The following AFF2 variants were observed in gnomAD, a reference collection of about 807,000 sequenced individuals.
The protein encoded by AFF2 is ALF transcription elongation factor 2.
Under a neutral mutation model 76.9 loss-of-function variants are expected in AFF2, and 14 were observed. That is an observed-to-expected ratio of 0.18 (90% confidence interval 0.12 to 0.28). The LOEUF (loss-of-function observed/expected upper bound fraction) is 0.28, where lower values mean the gene tolerates loss of function less well. Among genes scored for constraint, AFF2 ranks in the 10% least tolerant of loss-of-function variants. The probability of loss-of-function intolerance (pLI) is 1.00; values close to 1 mark genes in which losing one functional copy is unlikely to be tolerated. For missense variants in AFF2, 868 were observed against 1,001.1 expected, an observed-to-expected ratio of 0.87 and a Z score of 1.79; for synonymous variants, 398 against 366.7, an observed-to-expected ratio of 1.09 and a Z score of -0.98.
chrX:148,702,233 A>T (rs1435364651), intron 3 of AFF2, among the ~76,000 whole-genome samples: 1 of 111,618 alleles, frequency 9.0e-6, no homozygotes, highest in Non-Finnish European at 1.9e-5. Flanking sequence ...AAAACTCCTA[A>T]CTAAATTTTC....
chrX:148,676,083 G>A (rs1189860966), intron 3 of AFF2, among the ~76,000 whole-genome samples: 5 of 96,751 alleles, frequency 5.2e-5, no homozygotes, highest in Non-Finnish European at 6.1e-5. Flanking sequence ...TTTTTGAGAC[G>A]GAGTCTCATT....
At position 148,668,553 on chromosome X, in the gene AFF2, G is replaced by A. The variant is rs782551425; in HGVS notation, c.1041+5785G>A. 2.2e-3 allele frequency among the ~76,000 whole-genome samples: 253 copies of A among 112,610 alleles called. 2 individuals carry two copies. The highest frequency in any genetic ancestry group is 7.9e-3 in the African/African-American group (245 of 31,032). Reference sequence around the variant, plus strand: ...GAAATCTAGGTGGAGGTTCCCAAACGTCAGTTCTTGACTTCTCTGCACCTG... The same window carrying A: ...GAAATCTAGGTGGAGGTTCCCAAACATCAGTTCTTGACTTCTCTGCACCTG... On this transcript the variant is annotated intron_variant, in intron 3 of 20. Coordinates refer to ENST00000370460, the MANE Select transcript of AFF2 (RefSeq NM_002025.4).
At chrX:148,714,264 A>G (rs2055002352) in intron 3 of AFF2, among the ~76,000 whole-genome samples, 1 of 112,236 alleles carries the variant, frequency 8.9e-6, no homozygotes, top group African/African-American at 3.2e-5. Flanking sequence ...TTGTGGTACC[A>G]GGAATATAAA....
intron 3 of AFF2, among the ~76,000 whole-genome samples, chrX:148,737,559 C>G (rs1186111419): frequency 9.0e-6 from 1 of 111,416 alleles, no homozygotes; most frequent in Admixed American, 9.5e-5. Flanking sequence ...ATATCATCAG[C>G]AAACAGTTGA....
chrX:148,589,298 T>C (rs2053499475), intron 1 of AFF2, among the ~76,000 whole-genome samples: 1 of 111,569 alleles, frequency 9.0e-6, no homozygotes, highest in Non-Finnish European at 1.9e-5. Context: ...AGAACATCTC[T>C]TCATTAATAT....
chrX:148,671,955 G>A (rs970068423), intron 3 of AFF2, among the ~76,000 whole-genome samples: 4 of 111,336 alleles, frequency 3.6e-5, no homozygotes, highest in Admixed American at 9.5e-5. Context: ...GCAGTAAAAT[G>A]GTAAGCTTTT....
intron 1 of AFF2, among the ~76,000 whole-genome samples, chrX:148,585,488 A>T (rs2053457517): frequency 8.9e-6 from 1 of 111,924 alleles, no homozygotes; most frequent in Admixed American, 9.5e-5. Context: ...CTCTCAATAC[A>T]CATTTGCTAT....
Position 148,973,384 on chromosome X carries a change from C to A in AFF2, c.3268-87C>A, listed in dbSNP as rs1018120608. ...CCAAATGTTCCCTGTGGGAAGGGGG[C>A]AAAACTACCCCCCAGTTTCAAACCA... On this transcript the variant is annotated intron_variant, in intron 15 of 20. Coordinates refer to ENST00000370460, the MANE Select transcript of AFF2 (RefSeq NM_002025.4). 35 of 1,105,481 alleles carry A rather than the reference C, an allele frequency of 3.2e-5. No individual in the cohort carries two copies. In the African/African-American group the frequency reaches 3.3e-4, roughly 10 times the overall value. 91.1% of individuals were successfully genotyped at this position (1,105,481 alleles called of 1,213,427 possible).
intron 12 of AFF2, 124 bp downstream of exon 12, chrX:148,958,582 C>G: frequency 2.2e-6 from 2 of 926,395 alleles, no homozygotes; most frequent in South Asian, 5.3e-5. Context: ...AGGAGTCTCT[C>G]AGTCAAGGCC....
chrX:148,836,500 A>G (rs782052516), intron 4 of AFF2, among the ~76,000 whole-genome samples: 29 of 111,647 alleles, frequency 2.6e-4, no homozygotes, highest in Non-Finnish European at 4.5e-4. Context: ...GAAAAAAACA[A>G]GTATTATGTA....
At chrX:148,890,980 TCAATGGCATGGTTGAGA>T (rs1557279674) in intron 8 of AFF2, among the ~76,000 whole-genome samples, 1 of 112,506 alleles carries the variant, frequency 8.9e-6, no homozygotes, top group Non-Finnish European at 1.9e-5. Flanking sequence ...AAGTTTGATA[TCAATGGCATGGTTGAGA>T]TTTGGGGGCC....
intron 3 of AFF2, among the ~76,000 whole-genome samples, chrX:148,747,277 C>G (rs1444824746): frequency 1.8e-5 from 2 of 111,470 alleles, no homozygotes; most frequent in African/African-American, 6.5e-5. Context: ...GCTGACTTGC[C>G]TATATTGCTC....
chrX:148,572,699 A>G (rs1432627659), intron 1 of AFF2, among the ~76,000 whole-genome samples: 1 of 112,022 alleles, frequency 8.9e-6, no homozygotes, highest in African/African-American at 3.2e-5. Flanking sequence ...GATTCAACTT[A>G]TATAAAATAC....
intron 9 of AFF2, among the ~76,000 whole-genome samples, chrX:148,923,235 A>G (rs2071615194): frequency 9.3e-6 from 1 of 107,486 alleles, no homozygotes; most frequent in Non-Finnish European, 1.9e-5. Flanking sequence ...CCCCCGTGAC[A>G]AATTTGAGAT....
At chrX:148,837,530 G>A (rs1318395887) in intron 4 of AFF2, 117 bp from the exon 5 acceptor site, 2 of 360,362 alleles carry the variant, frequency 5.5e-6, no homozygotes, top group Admixed American at 1.1e-4. Flanking sequence ...TTCACCTTAA[G>A]TATTAGGTCA....
chrX:148,815,396 G>A (rs782334299), intron 4 of AFF2, among the ~76,000 whole-genome samples: 2 of 111,469 alleles, frequency 1.8e-5, no homozygotes, highest in African/African-American at 3.3e-5. Context: ...GACTTAATAC[G>A]TAGCATGCAT....
At chrX:148,699,745 C>G (rs1557261650) in intron 3 of AFF2, among the ~76,000 whole-genome samples, 1 of 111,534 alleles carries the variant, frequency 9.0e-6, no homozygotes. Flanking sequence ...CTGATGGGTC[C>G]CTGTCTTTGA....
In AFF2 at chrX:148,761,611, C is replaced by T. The variant is rs188752132; in HGVS notation, c.1042-48265C>T. 1.2e-4 allele frequency among the ~76,000 whole-genome samples: 13 copies of T among 110,420 alleles called. 1 individual carries two copies. The East Asian group carries it at 3.7e-3, about 31-fold the overall frequency. On this transcript the variant is annotated intron_variant, in intron 3 of 20. Transcript: ENST00000370460. ...CAAACTCATTCATTTGTTTATTCAACGAATGTTTACAGAGTCCTGACTCTA... is the reference window on the plus strand; with the variant it reads ...CAAACTCATTCATTTGTTTATTCAATGAATGTTTACAGAGTCCTGACTCTA...
chrX:148,821,910 T>A lies in AFF2; in HGVS notation c.1086+11990T>A, dbSNP rs1453345539. 4.5e-5 allele frequency among the ~76,000 whole-genome samples: 5 copies of A among 111,696 alleles called. No individual in the cohort carries two copies. In the East Asian group the frequency reaches 1.4e-3, roughly 32 times the overall value. ...GTGCATAAAAAGTGCATAGATTAGA[T>A]GTAATGTGTTTATTAAATGACTTAA... On this transcript the variant is annotated intron_variant, in intron 4 of 20. Transcript: ENST00000370460.
Sources: gnomAD v4.1 joint callset for allele counts (sites outside exome capture counted in the v4.1 genomes callset) on GRCh38, gnomAD v4.1.1 for gene constraint, MANE v1.5 for transcripts, NCBI Gene and HGNC (gene_info 2026-07-23, HGNC 2026-07-21) for gene names.